EXOC4: variants seen among roughly 807,000 people sequenced by gnomAD.
EXOC4 encodes the protein exocyst complex component 4, also known as SEC8-like 1.
In EXOC4, 71 loss-of-function variants were observed where a neutral mutation model predicts 107.2. The observed-to-expected ratio is 0.66, with a 90% CI of 0.55 to 0.81. The LOEUF is 0.81. Ranked by LOEUF, EXOC4 falls within the 30% of genes least tolerant of loss-of-function variation. EXOC4 has a pLI of 0.00. For synonymous variants in EXOC4, 456 were observed against 441.2 expected, an observed-to-expected ratio of 1.03 and a Z score of -0.42; for missense variants, 1,108 against 1,189.6, an observed-to-expected ratio of 0.93 and a Z score of 1.01.
At chr7:133,964,675 T>G (rs1801022552) in intron 14 of EXOC4, among the ~76,000 whole-genome samples, 1 of 152,234 alleles carries the variant, frequency 6.6e-6, no homozygotes, top group Non-Finnish European at 1.5e-5. Flanking sequence ...TTTTTATGTC[T>G]GTGTAGTATT....
At chr7:133,724,296 G>A (rs1229360556) in intron 10 of EXOC4, among the ~76,000 whole-genome samples, 1 of 152,162 alleles carries the variant, frequency 6.6e-6, no homozygotes, top group East Asian at 1.9e-4. Context: ...ACCAAAGTTT[G>A]ATGGAGGTCA....
intron 10 of EXOC4, among the ~76,000 whole-genome samples, chr7:133,749,227 T>C (rs1795739187): frequency 6.6e-6 from 1 of 152,208 alleles, no homozygotes; most frequent in African/African-American, 2.4e-5. Context: ...CCCTCTGTGA[T>C]AGGCTTTTCA....
the EXOC4 span, among the ~76,000 whole-genome samples, chr7:134,072,878 T>C: frequency 6.6e-6 from 1 of 151,934 alleles, no homozygotes; most frequent in Admixed American, 6.6e-5. Flanking sequence ...AGTGTAAGAG[T>C]GCAGCCCCGC....
intron 7 of EXOC4, among the ~76,000 whole-genome samples, chr7:133,375,817 G>T (rs1796477721): frequency 6.6e-6 from 1 of 152,104 alleles, no homozygotes; most frequent in Non-Finnish European, 1.5e-5. Flanking sequence ...TTATTCTTTG[G>T]TATGATGCTG....
At chr7:133,566,654 C>G (rs1248643586) in intron 9 of EXOC4, among the ~76,000 whole-genome samples, 3 of 152,184 alleles carry the variant, frequency 2.0e-5, no homozygotes, top group African/African-American at 7.2e-5. Context: ...CTACTATACA[C>G]TGCAGTATTA....
At chr7:133,609,481 G>C (rs1455585391) in intron 9 of EXOC4, among the ~76,000 whole-genome samples, 1 of 152,092 alleles carries the variant, frequency 6.6e-6, no homozygotes, top group Non-Finnish European at 1.5e-5. Flanking sequence ...CTCTTCTCTC[G>C]ATTGTGTGAT....
At chr7:133,948,315 G>T (rs1170139334) in intron 14 of EXOC4, among the ~76,000 whole-genome samples, 1 of 152,156 alleles carries the variant, frequency 6.6e-6, no homozygotes, top group Non-Finnish European at 1.5e-5. Flanking sequence ...GAAAGAGTGT[G>T]TCTTTCCATT....
At chr7:133,857,940 TG>T (rs1010060237) in intron 11 of EXOC4, among the ~76,000 whole-genome samples, 26 of 152,230 alleles carry the variant, frequency 1.7e-4, no homozygotes, top group Non-Finnish European at 3.4e-4. Context: ...CAGGCTGCCC[TG>T]GCCCCATTGC....
intron 11 of EXOC4, among the ~76,000 whole-genome samples, chr7:133,843,868 T>G (rs1798069693): frequency 6.6e-6 from 1 of 152,240 alleles, no homozygotes; most frequent in South Asian, 2.1e-4. Context: ...GTTTTTAACC[T>G]GAAGAGATGT....
chr7:133,545,492 A>G (rs2150935888), intron 9 of EXOC4, among the ~76,000 whole-genome samples: 1 of 152,270 alleles, frequency 6.6e-6, no homozygotes, highest in South Asian at 2.1e-4. Flanking sequence ...TTCCCATTAA[A>G]TGCCATATCT....
rs1799397428 is a variant in EXOC4, at chr7:133,492,825, G to A, written c.1417+12687G>A. 2.6e-5 allele frequency among the ~76,000 whole-genome samples: 4 copies of A among 151,278 alleles called. No homozygotes were observed. In the South Asian group the frequency reaches 8.4e-4, roughly 32 times the overall value. On this transcript the variant is annotated intron_variant, in intron 9 of 17. Transcript: ENST00000253861. ...TGACTTTGTGCAAGTCACTTAACCA[G>A]TTTTCTCAGTTGTAAAAGGAAGAAG...
the EXOC4 span, among the ~76,000 whole-genome samples, chr7:134,076,411 G>A: frequency 2.1e-3 from 326 of 152,142 alleles, 1 homozygote; most frequent in African/African-American, 7.4e-3. Flanking sequence ...CCAGCTACTC[G>A]GGACGCTGAG....
intron 7 of EXOC4, among the ~76,000 whole-genome samples, chr7:133,415,424 A>G (rs1385980876): frequency 1.3e-5 from 2 of 152,086 alleles, no homozygotes; most frequent in African/African-American, 2.4e-5. Context: ...CCTTGTTGAT[A>G]CTTGTTACTG....
intron 14 of EXOC4, among the ~76,000 whole-genome samples, chr7:133,950,959 A>G (rs1042004359): frequency 6.6e-6 from 1 of 152,216 alleles, no homozygotes; most frequent in African/African-American, 2.4e-5. Flanking sequence ...AGCTTTTCAC[A>G]GAAATCTTGG....
chr7:133,719,390 T>A (rs1795060906), intron 10 of EXOC4, among the ~76,000 whole-genome samples: 1 of 152,108 alleles, frequency 6.6e-6, no homozygotes, highest in South Asian at 2.1e-4. Context: ...TTAGGAAAAA[T>A]AGTGTGGTGG....
intron 1 of EXOC4, among the ~76,000 whole-genome samples, chr7:133,267,509 G>T (rs1043395437): frequency 9.2e-5 from 14 of 152,008 alleles, no homozygotes; most frequent in South Asian, 4.1e-4. Context: ...ATCTTTATCC[G>T]AGAGGCCCTC....
At chr7:133,982,892 G>A (rs1794024503) in intron 14 of EXOC4, among the ~76,000 whole-genome samples, 3 of 152,186 alleles carry the variant, frequency 2.0e-5, no homozygotes, top group Non-Finnish European at 4.4e-5. Flanking sequence ...ATGTGTTAGG[G>A]ATACAAAGAT....
chr7:133,773,891 T>C (rs1241842028), intron 10 of EXOC4, among the ~76,000 whole-genome samples: 2 of 152,076 alleles, frequency 1.3e-5, no homozygotes, highest in Non-Finnish European at 2.9e-5. Context: ...CGTTTTATTT[T>C]ATGGTGGTAG....
chr7:134,073,227 A>AAAAAAAAAAAAAG, the EXOC4 span, among the ~76,000 whole-genome samples: 4 of 18,114 alleles, frequency 2.2e-4, no homozygotes, highest in African/African-American at 1.1e-3. Context: ...AAAAAAAAAA[A>AAAAAAAAAAAAAG]AAAAACAACA....
Sources: allele counts gnomAD v4.1 joint callset (sites outside exome capture counted in the v4.1 genomes callset), GRCh38; gene constraint gnomAD v4.1.1; transcripts MANE v1.5; gene names NCBI Gene and HGNC (gene_info 2026-07-23, HGNC 2026-07-21).